The following LGALS3 variants were observed in gnomAD, a reference collection of about 807,000 sequenced individuals.
The protein encoded by LGALS3 is galectin 3.
Under a neutral mutation model 20.7 loss-of-function variants are expected in LGALS3, and 18 were observed. That is an observed-to-expected ratio of 0.87 (90% CI 0.60 to 1.29). The LOEUF (loss-of-function observed/expected upper bound fraction) is 1.29, where lower values mean the gene tolerates loss of function less well. Among genes scored for constraint, LGALS3 ranks in the 50% most tolerant of loss-of-function variants. The pLI is 0.00. For synonymous variants in LGALS3, 112 were observed against 119.6 expected, an observed-to-expected ratio of 0.94 and a Z score of 0.42; for missense variants, 315 against 314.7, an observed-to-expected ratio of 1.00 and a Z score of -0.01.
chr14:55,142,711 C>T lies in LGALS3; in HGVS notation c.559C>T (p.Gln187Ter), dbSNP rs560920584. The change falls in exon 5 of 6, where the codon CAG becomes TAG. Residue 187 changes from glutamine (Q) to a stop codon, truncating the protein, a stop_gained. Coordinates refer to ENST00000254301, the MANE Select transcript of LGALS3 (RefSeq NM_002306.4). LOFTEE classifies it high-confidence loss of function. ...TAATAACTGGGGAAGGGAAGAAAGA[C>T]AGTCGGTTTTCCCATTTGAAAGTGG... ...LDNNWGREERQSVFPFESGKP... is the reference protein window; with the variant it reads ...LDNNWGREER 8.1e-6 allele frequency: 13 copies of T among 1,613,668 alleles called. No homozygotes were observed. The highest frequency in any genetic ancestry group is 1.6e-4 in the Middle Eastern group (1 of 6,084).
intron 2 of LGALS3, chr14:55,137,690 G>T: frequency 7.2e-7 from 1 of 1,397,278 alleles, no homozygotes; most frequent in Non-Finnish European, 9.3e-7. Context: ...GTAGCGGGAA[G>T]TGCGGTACAG....
chr14:55,137,149 A>T, intron 1 of LGALS3: 2 of 614,838 alleles, frequency 3.3e-6, no homozygotes, highest in Non-Finnish European at 5.9e-6. Context: ...AGCACAGGCT[A>T]GTGTGACGGA....
intron 1 of LGALS3, among the ~76,000 whole-genome samples, chr14:55,132,836 G>A: frequency 6.6e-6 from 1 of 152,072 alleles, no homozygotes; most frequent in East Asian, 1.9e-4. Context: ...CAAAGTGCTG[G>A]GATTACAGGC....
At position 55,138,377 on chromosome 14, in the gene LGALS3, G is replaced by A; in HGVS notation, c.342+9G>A. On this transcript the variant is annotated intron_variant, in intron 3 of 5. Transcript: ENST00000254301. ...CCCCTGCTGGGCCACTGGTGAGATG[G>A]CATTCCTTCTTTCATGTACTTGACA... 1 of 1,612,332 alleles carries A rather than the reference G, an allele frequency of 6.2e-7. No homozygotes were observed. The highest frequency in any genetic ancestry group is 8.5e-7 in the Non-Finnish European group (1 of 1,179,874).
rs1159591940 is a variant in LGALS3 at position 55,129,309 on chromosome 14, C to A, written c.-5+9C>A. The A allele has an allele frequency of 6.6e-6, 1 of 151,802 alleles. No homozygotes were observed. The highest frequency in any genetic ancestry group is 2.4e-5 in the African/African-American group (1 of 41,374). 9.4% of individuals were successfully genotyped at this position (151,802 alleles called of 1,614,324 possible). A position where few individuals can be genotyped will look rare whatever the true frequency, so the allele number is the denominator to read the frequency against. The stretch of plus-strand genomic sequence containing the variant: ...GAGCCAGCCAACGAGCGGTGAGCTG[C>A]GCGGGGCGCGGGGGACGCGGCTCCG... On this transcript the variant is annotated intron_variant, in intron 1 of 5. Coordinates refer to ENST00000254301, the MANE Select transcript of LGALS3 (RefSeq NM_002306.4). The surrounding 1 kb of genome is among the most constrained non-coding windows in gnomAD (Gnocchi z 5.3).
Position 55,141,373 on chromosome 14 carries a change from CCAA to C in LGALS3, c.431+1013_431+1015del, listed in dbSNP as rs1360662711. Reference sequence around the variant, plus strand: ...CCTATGTCCTTATCCGTATTTCCTCCCAACATCACATAGAACCCAGCACACCTT... The same window carrying C: ...CCTATGTCCTTATCCGTATTTCCTCCCATCACATAGAACCCAGCACACCTT... On this transcript the variant is annotated intron_variant, in intron 4 of 5. Transcript: ENST00000254301. Among the ~76,000 whole-genome samples the C allele has an allele frequency of 1.3e-4, 20 of 152,270 alleles. No homozygotes were observed. The East Asian group carries it at 2.3e-3, about 18-fold the overall frequency.
At chr14:55,139,998 C>G (rs1422897702) in intron 3 of LGALS3, among the ~76,000 whole-genome samples, 3 of 152,170 alleles carry the variant, frequency 2.0e-5, no homozygotes, top group Admixed American at 6.5e-5. Flanking sequence ...CAAGATCTAG[C>G]TTAAGCCTTT....
At chr14:55,144,328 T>C (rs1232294045) in intron 5 of LGALS3, among the ~76,000 whole-genome samples, 7 of 152,194 alleles carry the variant, frequency 4.6e-5, no homozygotes, top group African/African-American at 1.7e-4. Flanking sequence ...ATTTTTCTTG[T>C]AGAGATGGGA....
chr14:55,131,194 C>A (rs569106353), intron 1 of LGALS3, among the ~76,000 whole-genome samples: 1 of 152,304 alleles, frequency 6.6e-6, no homozygotes, highest in Admixed American at 6.5e-5. Context: ...CACTAAGTTA[C>A]GTAAGAAGCA....
intron 4 of LGALS3, among the ~76,000 whole-genome samples, 194 bp from the exon 5 acceptor site, chr14:55,142,390 T>C (rs1350519043): frequency 6.6e-6 from 1 of 152,228 alleles, no homozygotes; most frequent in Non-Finnish European, 1.5e-5. Flanking sequence ...TTAGATTTTG[T>C]GATAGTACAT....
At chr14:55,140,203 C>A in intron 3 of LGALS3, 72 bp from the exon 4 acceptor site, 1 of 966,362 alleles carries the variant, frequency 1.0e-6, no homozygotes. Context: ...AGTGATGGAA[C>A]TTTAGCAACA....
At chr14:55,134,915 G>A (rs1260155170) in intron 1 of LGALS3, among the ~76,000 whole-genome samples, 1 of 152,132 alleles carries the variant, frequency 6.6e-6, no homozygotes, top group Non-Finnish European at 1.5e-5. Flanking sequence ...AGCACTTTGG[G>A]ATGCTGAGGT....
intron 1 of LGALS3, among the ~76,000 whole-genome samples, chr14:55,132,902 A>G (rs1881272387): frequency 6.6e-6 from 1 of 152,216 alleles, no homozygotes; most frequent in African/African-American, 2.4e-5. Context: ...TCATGGTTGG[A>G]AGTTGACGGG....
chr14:55,136,448 C>T (rs1053107061), intron 1 of LGALS3, among the ~76,000 whole-genome samples: 1 of 152,094 alleles, frequency 6.6e-6, no homozygotes, highest in Admixed American at 6.5e-5. Context: ...GCATCTGTGA[C>T]TTGTTATTTC....
At position 55,142,899 on chromosome 14, in the gene LGALS3, A is replaced by T. The variant is rs571370846; in HGVS notation, c.597+150A>T. ...TCTCCCTGCCCAGGGGACCAGGCTCAGCAGGCTGAGAACATGGCCAGGAGT... is the reference window on the plus strand; with the variant it reads ...TCTCCCTGCCCAGGGGACCAGGCTCTGCAGGCTGAGAACATGGCCAGGAGT... On this transcript the variant is annotated intron_variant, in intron 5 of 5. Transcript: ENST00000254301. The T allele has an allele frequency of 6.4e-5, 38 of 595,630 alleles. No homozygotes were observed. The Middle Eastern group carries it at 1.4e-3, about 22-fold the overall frequency. 36.9% of individuals were successfully genotyped at this position (595,630 alleles called of 1,614,324 possible). A position where few individuals can be genotyped will look rare whatever the true frequency, so the allele number is the denominator to read the frequency against.
At chr14:55,140,542 C>CA (rs1300304467) in intron 4 of LGALS3, 179 bp downstream of exon 4, 11 of 514,108 alleles carry the variant, frequency 2.1e-5, no homozygotes, top group Non-Finnish European at 3.5e-6. Context: ...CCCATAAATC[C>CA]ATACATATTC....
chr14:55,138,306 C>G lies in LGALS3; in HGVS notation c.280C>G (p.Gln94Glu), dbSNP rs148184206. The change falls in exon 3 of 6, where the codon CAG becomes GAG. Residue 94 changes from glutamine to glutamate, a missense_variant. By Grantham distance (29) the Gln-to-Glu change is conservative. Coordinates refer to ENST00000254301, the MANE Select transcript of LGALS3 (RefSeq NM_002306.4). Reference protein sequence around the residue: ...SGPGAYPSSGQPSATGAYPAT... With the variant: ...SGPGAYPSSGEPSATGAYPAT... ...CCCTGGGGCCTACCCATCTTCTGGA[C>G]AGCCAAGTGCCACCGGAGCCTACCC... The G allele has an allele frequency of 1.2e-6, 2 of 1,612,600 alleles. No homozygotes were observed. The highest frequency in any genetic ancestry group is 1.7e-6 in the Non-Finnish European group (2 of 1,179,758).
chr14:55,140,119 C>T (rs958786950), intron 3 of LGALS3, among the ~76,000 whole-genome samples, 156 bp from the exon 4 acceptor site: 10 of 152,094 alleles, frequency 6.6e-5, no homozygotes, highest in Non-Finnish European at 1.5e-4. Context: ...ATCTCTTTGG[C>T]CCCTGGGCAA....
At chr14:55,140,928 TCACCA>T (rs1271713097) in intron 4 of LGALS3, among the ~76,000 whole-genome samples, 1 of 152,224 alleles carries the variant, frequency 6.6e-6, no homozygotes, top group African/African-American at 2.4e-5. Flanking sequence ...GCCCTGGTTG[TCACCA>T]CTGGTTATGT....
Sources: gnomAD v4.1 joint callset for allele counts (sites outside exome capture counted in the v4.1 genomes callset) on GRCh38, gnomAD v4.1.1 for gene constraint, Gnocchi (gnomAD v3.1) non-coding constraint, MANE v1.5 for transcripts, NCBI Gene and HGNC (gene_info 2026-07-23, HGNC 2026-07-21) for gene names.